Variants in PRG4 observed in about 807,000 individuals in gnomAD.
PRG4 encodes the protein proteoglycan 4, also known as articular superficial zone protein.
In PRG4, 61 loss-of-function variants were observed where a neutral mutation model predicts 91.2. The observed-to-expected ratio is 0.67, with a 90% CI of 0.54 to 0.83. PRG4 has a LOEUF of 0.83. Among genes scored for constraint, PRG4 ranks in the 40% least tolerant of loss-of-function variants. The probability of loss-of-function intolerance (pLI) is 0.00; values close to 1 mark genes in which losing one functional copy is unlikely to be tolerated. For synonymous variants in PRG4, 576 were observed against 614.2 expected, an observed-to-expected ratio of 0.94 and a Z score of 0.92; for missense variants, 1,564 against 1,714.2, an observed-to-expected ratio of 0.91 and a Z score of 1.55.
chr1:186,296,410 A>G (rs1389487750), intron 1 of PRG4, 117 bp downstream of exon 1: 1 of 159,406 alleles, frequency 6.3e-6, no homozygotes, highest in Non-Finnish European at 1.4e-5. Flanking sequence ...TGTTTATGCA[A>G]TACACCTGTT....
intron 4 of PRG4, 81 bp from the exon 5 acceptor site, chr1:186,304,027 A>C: frequency 9.2e-5 from 126 of 1,372,110 alleles, no homozygotes; most frequent in Middle Eastern, 1.8e-4. Context: ...TCTTGAAGCT[A>C]GATGCATCTG....
At chr1:186,309,593 CAT>C in intron 7 of PRG4, among the ~76,000 whole-genome samples, 198 bp from the exon 8 acceptor site, 1 of 152,210 alleles carries the variant, frequency 6.6e-6, no homozygotes, top group Admixed American at 6.5e-5. Flanking sequence ...TAATTTATTT[CAT>C]ATAATACTTT....
rs192034988 is a variant in PRG4 at position 186,313,474 on chromosome 1, G to A, written c.4118-207G>A. 3.7e-3 allele frequency: 1,899 copies of A among 516,760 alleles called. 10 individuals carry two copies. Among genetic ancestry groups the A allele is most frequent in the Admixed American group, 6.7e-3 (197 of 29,374 alleles). The allele number at this position is 516,760 out of a possible 1,614,324, so 32.0% of individuals were successfully genotyped here. On this transcript the variant is annotated intron_variant, in intron 12 of 12. Coordinates refer to ENST00000445192, the MANE Select transcript of PRG4 (RefSeq NM_005807.6). ...CTGAACCTGATTTTACAAAAAGATG[G>A]TGAAATGTCAATCTTTTGAAACATC... is the stretch of plus-strand genomic sequence containing the variant.
At chr1:186,300,243 T>C in intron 3 of PRG4, 30 bp downstream of exon 3, 2 of 1,613,262 alleles carry the variant, frequency 1.2e-6, no homozygotes, top group African/African-American at 1.3e-5. Context: ...GTCTCCTCTG[T>C]CAAGCAACAC....
At position 186,307,266 on chromosome 1, in the gene PRG4, C is replaced by T. The variant is rs201385037; in HGVS notation, c.1547C>T (p.Pro516Leu). 396 of 1,601,408 alleles carry T rather than the reference C, an allele frequency of 2.5e-4. No individual in the cohort carries two copies. Among genetic ancestry groups the T allele is most frequent in the Non-Finnish European group, 3.2e-4 (382 of 1,175,456 alleles). The change falls in exon 7 of 13, where the codon CCC (proline) becomes CTC (leucine). Residue 516 changes from proline to leucine, a missense_variant. Pro to Leu is a moderately conservative substitution (Grantham distance 98). This residue lies in a region of PRG4 where 1,079 missense variants were observed against 1,162.2 expected (regional missense o/e 0.93). Coordinates refer to ENST00000445192, the MANE Select transcript of PRG4 (RefSeq NM_005807.6). ...CCCACCACCACCAAGGAGCCTTCAC[C>T]CACCACTCCCAAGGAGCCTGCACCC... Reference protein sequence around the residue: ...PAPTTTKEPSPTTPKEPAPTT... With the variant: ...PAPTTTKEPSLTTPKEPAPTT...
chr1:186,303,799 A>G (rs1656371361), intron 4 of PRG4, among the ~76,000 whole-genome samples: 1 of 152,238 alleles, frequency 6.6e-6, no homozygotes, highest in East Asian at 1.9e-4. Context: ...GTAGACAAGA[A>G]GATGAAGTTC....
chr1:186,297,038 A>C, intron 2 of PRG4, 87 bp downstream of exon 2: 1 of 1,197,784 alleles, frequency 8.3e-7, no homozygotes, highest in Non-Finnish European at 1.2e-6. Context: ...ATATATTTCT[A>C]AAAATTTATA....
chr1:186,308,405 C>A lies in PRG4; in HGVS notation c.2686C>A (p.Pro896Thr). The part of the protein sequence containing the change: ...PKALENSPKE[P>T]GVPTTKTPAA... ...AGCTCTTGAAAACAGTCCCAAGGAA[C>A]CTGGTGTACCTACAACTAAGACTCC... Residue 896 changes from proline to threonine, a missense_variant, in exon 7 of 13, where the codon CCT (proline) becomes ACT (threonine). By Grantham distance (38) the Pro-to-Thr change is conservative (BLOSUM62 -1). Around this residue, in one of 3 missense-constraint regions of PRG4, gnomAD observed 1,079 missense variants for 1,162.2 expected, o/e 0.93. Transcript: ENST00000445192. 6.2e-7 allele frequency: 1 copy of A among 1,613,934 alleles called. No individual in the cohort carries two copies. The highest frequency in any genetic ancestry group is 8.5e-7 in the Non-Finnish European group (1 of 1,180,034).
intron 1 of PRG4, 33 bp downstream of exon 1, chr1:186,296,326 T>C (rs968488466): frequency 1.3e-5 from 2 of 155,220 alleles, no homozygotes; most frequent in Non-Finnish European, 2.9e-5. Context: ...TTCATAGAAT[T>C]AAATGTGTTT....
In PRG4 at chr1:186,312,877, A is replaced by G; in HGVS notation, c.4100A>G (p.Tyr1367Cys). The change falls in exon 12 of 13, where the codon TAC (tyrosine) becomes TGC (cysteine). Residue 1367 changes from tyrosine to cysteine, a missense_variant. Transcript: ENST00000445192. ...ATCAGAAAACCTGACGGCTATGATT[A>G]CTATGCCTTTTCTAAAGGTAAGGTA... Reference protein sequence around the residue: ...PNIRKPDGYDYYAFSKDQYYN... With the variant: ...PNIRKPDGYDCYAFSKDQYYN... The G allele has an allele frequency of 6.2e-7, 1 of 1,612,612 alleles. No individual in the cohort carries two copies. The highest frequency in any genetic ancestry group is 8.5e-7 in the Non-Finnish European group (1 of 1,178,608).
chr1:186,303,267 T>C (rs573338059), intron 4 of PRG4, among the ~76,000 whole-genome samples: 1 of 152,180 alleles, frequency 6.6e-6, no homozygotes, highest in Non-Finnish European at 1.5e-5. Flanking sequence ...GTTTCTCAAA[T>C]TGAGATACTT....
In PRG4 at chr1:186,308,746, CAG is replaced by C. The variant is rs757862215; in HGVS notation, c.3030_3031del (p.Arg1010SerfsTer3). On this transcript the variant is annotated frameshift_variant, in exon 7 of 13. Coordinates refer to ENST00000445192, the MANE Select transcript of PRG4 (RefSeq NM_005807.6). LOFTEE classifies it high-confidence loss of function. Reference sequence around the variant, plus strand: ...CTGAAGAAACAGCTAAACCAAAAGACAGAGCTACTAATTCTAAAGCGACAACT... The same window carrying C: ...CTGAAGAAACAGCTAAACCAAAAGACAGCTACTAATTCTAAAGCGACAACT... Reference protein sequence around the residue: ...KPEETAKPKDRATNSKATTPK... With the variant: ...KPEETAKPKDXATNSKATTPK... The C allele has an allele frequency of 4.3e-6, 7 of 1,613,856 alleles. No homozygotes were observed. The highest frequency in any genetic ancestry group is 2.2e-5 in the South Asian group (2 of 91,062).
intron 3 of PRG4, 107 bp downstream of exon 3, chr1:186,300,320 C>T: frequency 7.0e-7 from 1 of 1,432,498 alleles, no homozygotes; most frequent in Middle Eastern, 2.4e-4. Context: ...CCCTTGCACC[C>T]ACTTGCAGTG....
chr1:186,304,158 G>A lies in PRG4; in HGVS notation c.370G>A (p.Gly124Arg), dbSNP rs1329887306. The A allele has an allele frequency of 6.2e-7, 1 of 1,613,896 alleles. No homozygotes were observed. The highest frequency in any genetic ancestry group is 2.2e-5 in the East Asian group (1 of 44,898). Residue 124 changes from glycine to arginine, a missense_variant, in exon 5 of 13, where the codon GGA (glycine) becomes AGA (arginine). Physicochemically the swap from Gly to Arg is moderately radical, Grantham distance 125 (BLOSUM62 -2). Transcript: ENST00000445192. ...PSSKKAPPPS[G>R]ASQTIKSTTK... Reference sequence around the variant, plus strand: ...TTCAAAGAAAGCACCTCCACCTTCAGGAGCATCTCAAACCATCAAATCAAC... The same window carrying A: ...TTCAAAGAAAGCACCTCCACCTTCAAGAGCATCTCAAACCATCAAATCAAC...
In PRG4 at chr1:186,296,860, G is replaced by A; in HGVS notation, c.-16G>A. ...TTTATTTTCAGCAAGGGTACCTACG[G>A]TACCTGAAAACAACGATGGCATGGA... On this transcript the variant is annotated 5_prime_UTR_variant, in exon 2 of 13. Coordinates refer to ENST00000445192, the MANE Select transcript of PRG4 (RefSeq NM_005807.6). 1 of 1,608,952 alleles carries A rather than the reference G, an allele frequency of 6.2e-7. No individual in the cohort carries two copies. Among genetic ancestry groups the A allele is most frequent in the Admixed American group, 1.7e-5 (1 of 59,978 alleles).
intron 6 of PRG4, 65 bp downstream of exon 6, chr1:186,304,987 G>T: frequency 6.5e-7 from 1 of 1,531,054 alleles, no homozygotes; most frequent in East Asian, 2.3e-5. Flanking sequence ...ATATTTAAAA[G>T]TAATGCGTGT....
rs748867972 is a variant in PRG4, at chr1:186,304,085, T to A, written c.320-23T>A. On this transcript the variant is annotated intron_variant, in intron 4 of 12. Coordinates refer to ENST00000445192, the MANE Select transcript of PRG4 (RefSeq NM_005807.6). ...TGATGAACATAAACAAGATGTTAAC[T>A]GACTTGTCTTACTTGGCCTCAGTGC... 3 of 1,613,022 alleles carry A rather than the reference T, an allele frequency of 1.9e-6. No individual in the cohort carries two copies. The South Asian group carries it at 3.3e-5, about 18-fold the overall frequency.
chr1:186,309,009 C>T lies in PRG4; in HGVS notation c.3290C>T (p.Ala1097Val), dbSNP rs1326913727. The T allele has an allele frequency of 6.2e-7, 1 of 1,610,112 alleles. No homozygotes were observed. The highest frequency in any genetic ancestry group is 1.7e-5 in the Admixed American group (1 of 59,596). Residue 1097 changes from alanine to valine, a missense_variant, in exon 7 of 13, where the codon GCA becomes GTA. By Grantham distance (64) the Ala-to-Val change is moderately conservative. Coordinates refer to ENST00000445192, the MANE Select transcript of PRG4 (RefSeq NM_005807.6). ...LVEVNPKSED[A>V]GGAEGETPHM... ...GAAGTAAATCCAAAGAGTGAAGATG[C>T]AGGTGGTGCTGAAGGAGAAACACCT...
chr1:186,310,812 C>A (rs1247394714), intron 8 of PRG4, among the ~76,000 whole-genome samples: 1 of 151,970 alleles, frequency 6.6e-6, no homozygotes, highest in Non-Finnish European at 1.5e-5. Flanking sequence ...AACCAATAGG[C>A]TCTTTCTAAA....
Sources: allele counts gnomAD v4.1 joint callset (sites outside exome capture counted in the v4.1 genomes callset), GRCh38; gene constraint gnomAD v4.1.1; regional missense constraint gnomAD v4.1.1; transcripts MANE v1.5; gene names NCBI Gene and HGNC (gene_info 2026-07-23, HGNC 2026-07-21).